Variants in CDH23 observed in about 807,000 individuals in gnomAD.
CDH23 encodes the protein cadherin-23.
CDH23 carries 189 observed loss-of-function variants against 317.1 expected under a neutral mutation model. That is an observed-to-expected ratio of 0.60 (90% CI 0.53 to 0.67). The LOEUF (loss-of-function observed/expected upper bound fraction) is 0.67, where lower values mean the gene tolerates loss of function less well. Among genes scored for constraint, CDH23 ranks in the 30% least tolerant of loss-of-function variants. The pLI, the probability that CDH23 is intolerant of heterozygous loss-of-function variation, is 0.00. For missense variants in CDH23, 4,401 were observed against 4,592.4 expected (o/e 0.96, Z 1.20); for synonymous variants, 1,839 against 1,876.8 (o/e 0.98, Z 0.52).
intron 14 of CDH23, among the ~76,000 whole-genome samples, chr10:71,666,598 A>G (rs1187335319): frequency 2.0e-5 from 3 of 149,786 alleles, no homozygotes; most frequent in South Asian, 2.1e-4. Context: ...CAAGGCTCCA[A>G]GCATTTTCCT....
chr10:71,799,477 C>A lies in CDH23; in HGVS notation c.7225-15C>A. On this transcript the variant is annotated splice_polypyrimidine_tract_variant and intron_variant, in intron 51 of 69. Transcript: ENST00000224721. ...GACCTTGGCCTACTCTCTCTCCCTG[C>A]CCCCTGGGCTCCAGGAGGCTGTCTT... The A allele has an allele frequency of 1.9e-6, 3 of 1,613,876 alleles. No homozygotes were observed. The highest frequency in any genetic ancestry group is 1.7e-6 in the Non-Finnish European group (2 of 1,179,834).
At chr10:71,811,892 C>A (rs1259023210) in intron 65 of CDH23, 63 bp from the exon 66 acceptor site, 4 of 1,608,740 alleles carry the variant, frequency 2.5e-6, no homozygotes, top group African/African-American at 1.3e-5. Context: ...CCCTCACCCC[C>A]CAACACCACC....
At chr10:71,447,497 G>A (rs1850229492) in intron 3 of CDH23, among the ~76,000 whole-genome samples, 1 of 152,108 alleles carries the variant, frequency 6.6e-6, no homozygotes, top group Admixed American at 6.5e-5. Context: ...GCAGGTGTGT[G>A]TCTGGCTGTT....
intron 38 of CDH23, chr10:71,773,325 T>G (rs1301538565): frequency 6.4e-7 from 1 of 1,574,512 alleles, no homozygotes; most frequent in Non-Finnish European, 8.6e-7. Context: ...TTCTCCCAGC[T>G]TTTTCCCAGC....
Position 71,528,446 on chromosome 10 carries a change from A to C in CDH23, c.429+17234A>C, listed in dbSNP as rs552188395. Among the ~76,000 whole-genome samples the C allele has an allele frequency of 1.4e-4, 21 of 152,284 alleles. No individual in the cohort carries two copies. The East Asian group carries it at 4.1e-3, about 30-fold the overall frequency. ...TTCCCATAACTCACCCAGAGGGCTG[A>C]GCAGTGACTGTCAGGCAGGCAGGCC... On this transcript the variant is annotated intron_variant, in intron 6 of 69. Coordinates refer to ENST00000224721, the MANE Select transcript of CDH23 (RefSeq NM_022124.6).
chr10:71,608,307 C>T (rs992999400), intron 9 of CDH23, among the ~76,000 whole-genome samples: 6 of 152,290 alleles, frequency 3.9e-5, no homozygotes, highest in South Asian at 2.1e-4. Context: ...AGGTCCCTGA[C>T]GCTGGACCTG....
At chr10:71,581,741 AGTGGCATCATTTTCTTG>A (rs1461014154) in intron 9 of CDH23, among the ~76,000 whole-genome samples, 8 of 152,178 alleles carry the variant, frequency 5.3e-5, no homozygotes, top group African/African-American at 1.7e-4. Flanking sequence ...GCCACCCACA[AGTGGCATCATTTTCTTG>A]GGGGCCTGAC....
In CDH23 at chr10:71,677,437, T is replaced by G; in HGVS notation, c.1515-19T>G. ...TAAACCACGGTGTTCCTTCTCTCCA[T>G]CCTCTCGGCCTGGCACAGGTTCTCG... On this transcript the variant is annotated intron_variant, in intron 15 of 69. Transcript: ENST00000224721. The G allele has an allele frequency of 6.3e-7, 1 of 1,581,468 alleles. No individual in the cohort carries two copies. Among genetic ancestry groups the G allele is most frequent in the East Asian group, 2.3e-5 (1 of 43,756 alleles).
intron 28 of CDH23, chr10:71,714,933 T>C (rs1051392686): frequency 6.6e-6 from 1 of 152,188 alleles, no homozygotes; most frequent in African/African-American, 2.4e-5. Context: ...AGGTCAAGGG[T>C]TTGGGATTCT....
At chr10:71,753,685 A>G (rs1840062946) in intron 38 of CDH23, 2 of 446,722 alleles carry the variant, frequency 4.5e-6, no homozygotes, top group South Asian at 1.6e-5. Context: ...AGTGACCCCA[A>G]CTTCCCTCTT....
intron 1 of CDH23, among the ~76,000 whole-genome samples, chr10:71,404,632 C>T (rs1035943232): frequency 2.0e-5 from 3 of 152,378 alleles, no homozygotes; most frequent in Non-Finnish European, 2.9e-5. Context: ...GGGCAGAGCC[C>T]TGCTCTTCCC....
intron 20 of CDH23, among the ~76,000 whole-genome samples, chr10:71,692,939 A>G (rs1466219525): frequency 6.6e-6 from 1 of 152,194 alleles, no homozygotes; most frequent in African/African-American, 2.4e-5. Flanking sequence ...TAGCCTCACA[A>G]CGGCTCTGCA....
At chr10:71,747,489 A>G (rs1408398563) in intron 38 of CDH23, 1 of 152,358 alleles carries the variant, frequency 6.6e-6, no homozygotes, top group Admixed American at 6.5e-5. Context: ...GTCCAAGGTG[A>G]AGGCCAAGCC....
chr10:71,765,412 G>A lies in CDH23; in HGVS notation c.4846-12268G>A, dbSNP rs551936778. On this transcript the variant is annotated intron_variant, in intron 38 of 69. Transcript: ENST00000224721. ...AGAGCTGGCAGCCAAAGCAAGATGCGCAAAGCTGAGCTGGGTGGGGTTGGG... is the reference window on the plus strand; with the variant it reads ...AGAGCTGGCAGCCAAAGCAAGATGCACAAAGCTGAGCTGGGTGGGGTTGGG... 6.6e-5 allele frequency among the ~76,000 whole-genome samples: 10 copies of A among 152,324 alleles called. No homozygotes were observed. The East Asian group carries it at 1.7e-3, about 27-fold the overall frequency.
intron 14 of CDH23, among the ~76,000 whole-genome samples, chr10:71,649,168 C>T (rs1327451304): frequency 6.6e-6 from 1 of 152,192 alleles, no homozygotes; most frequent in Admixed American, 6.5e-5. Flanking sequence ...ACCGCCCTGC[C>T]CTGCTCTTGG....
intron 11 of CDH23, among the ~76,000 whole-genome samples, chr10:71,637,254 C>A (rs1005075328): frequency 2.0e-5 from 3 of 152,116 alleles, no homozygotes; most frequent in African/African-American, 7.2e-5. Context: ...CGCCCCACGC[C>A]CAGGGTGGGA....
intron 6 of CDH23, among the ~76,000 whole-genome samples, chr10:71,537,543 A>G (rs1051212983): frequency 6.6e-6 from 1 of 152,170 alleles, no homozygotes. Context: ...GGCCTTAAAA[A>G]CTGGGTGTTT....
intron 59 of CDH23, 24 bp downstream of exon 59, chr10:71,807,791 C>A: frequency 6.3e-7 from 1 of 1,584,572 alleles, no homozygotes; most frequent in Non-Finnish European, 8.6e-7. Flanking sequence ...AGCCTGGGCA[C>A]GAGGTGTGGG....
At chr10:71,695,376 C>A in intron 21 of CDH23, 42 bp from the exon 22 acceptor site, 1 of 1,427,652 alleles carries the variant, frequency 7.0e-7, no homozygotes, top group Non-Finnish European at 9.9e-7. Context: ...CCTGGCCCAT[C>A]TCAGCTGGGT....
Sources: gnomAD v4.1 joint callset for allele counts (sites outside exome capture counted in the v4.1 genomes callset) on GRCh38, gnomAD v4.1.1 for gene constraint, MANE v1.5 for transcripts, NCBI Gene and HGNC (gene_info 2026-07-23, HGNC 2026-07-21) for gene names.